Variants in CDH12 observed in about 807,000 individuals in gnomAD.
CDH12 encodes cadherin-12.
In CDH12, 41 loss-of-function variants were observed where a neutral mutation model predicts 74.1. That is an observed-to-expected ratio of 0.55 (90% CI 0.43 to 0.72). The LOEUF is 0.72. CDH12 is among the 30% of genes least tolerant of loss of function. The pLI, the probability that CDH12 is intolerant of heterozygous loss-of-function variation, is 0.00. For missense variants in CDH12, 945 were observed against 977.2 expected (o/e 0.97, Z 0.44); for synonymous variants, 399 against 355.0 (o/e 1.12, Z -1.39).
In CDH12 at chr5:22,288,564, G is replaced by A. The variant is rs565971113; in HGVS notation, c.-332-75921C>T. On this transcript the variant is annotated intron_variant, in intron 3 of 14. Transcript: ENST00000382254. ...CAATGACAGATCTATATTTTTGGAA[G>A]ACAGAAGAAGAATAAGTTAGTGACT... Among the ~76,000 whole-genome samples, 15 of 152,230 alleles carry A rather than the reference G, an allele frequency of 9.9e-5. No individual in the cohort carries two copies. In the South Asian group the frequency reaches 3.1e-3, roughly 32 times the overall value.
intron 3 of CDH12, among the ~76,000 whole-genome samples, chr5:22,327,929 A>G (rs1038486219): frequency 2.6e-5 from 4 of 152,242 alleles, no homozygotes; most frequent in Non-Finnish European, 4.4e-5. Flanking sequence ...GTATCATAGT[A>G]GTTTATTATG....
chr5:22,106,023 T>C (rs1189691433), intron 4 of CDH12, among the ~76,000 whole-genome samples: 1 of 152,228 alleles, frequency 6.6e-6, no homozygotes, highest in East Asian at 1.9e-4. Flanking sequence ...GTTTGTGGAA[T>C]ACTATTGCCA....
chr5:22,356,763 T>C (rs1580558912), intron 3 of CDH12, among the ~76,000 whole-genome samples: 1 of 152,220 alleles, frequency 6.6e-6, no homozygotes, highest in Non-Finnish European at 1.5e-5. Context: ...GATTAAGAGA[T>C]GTAGGCTCGG....
chr5:22,629,100 A>C (rs575143997), intron 1 of CDH12, among the ~76,000 whole-genome samples: 1 of 152,222 alleles, frequency 6.6e-6, no homozygotes, highest in Non-Finnish European at 1.5e-5. Flanking sequence ...AAAGTGAATC[A>C]GTAATAAAAA....
At chr5:22,381,600 A>G (rs2126384070) in intron 3 of CDH12, among the ~76,000 whole-genome samples, 1 of 151,918 alleles carries the variant, frequency 6.6e-6, no homozygotes, top group Non-Finnish European at 1.5e-5. Context: ...ATAATTGTCC[A>G]CCTATTTTCT....
At chr5:22,395,870 G>A (rs1267243643) in intron 3 of CDH12, among the ~76,000 whole-genome samples, 1 of 152,090 alleles carries the variant, frequency 6.6e-6, no homozygotes, top group Non-Finnish European at 1.5e-5. Flanking sequence ...AGAACATTAA[G>A]CCAGTGAAGA....
chr5:22,048,239 A>G (rs1740103954), intron 5 of CDH12, among the ~76,000 whole-genome samples: 1 of 152,214 alleles, frequency 6.6e-6, no homozygotes, highest in Non-Finnish European at 1.5e-5. Flanking sequence ...TCCTAGAGAC[A>G]TATGATCTAA....
intron 1 of CDH12, among the ~76,000 whole-genome samples, chr5:22,612,828 C>T (rs1465861208): frequency 6.6e-6 from 1 of 152,036 alleles, no homozygotes; most frequent in Admixed American, 6.6e-5. Flanking sequence ...TAATTCAGGG[C>T]ATAAAATTAA....
intron 1 of CDH12, among the ~76,000 whole-genome samples, chr5:22,762,931 C>A (rs781293382): frequency 6.6e-6 from 1 of 151,980 alleles, no homozygotes; most frequent in African/African-American, 2.4e-5. Context: ...GAGTTCCCTG[C>A]TTGTACATGT....
At chr5:22,090,647 C>G (rs1269567781) in intron 4 of CDH12, among the ~76,000 whole-genome samples, 1 of 151,002 alleles carries the variant, frequency 6.6e-6, no homozygotes, top group African/African-American at 2.4e-5. Context: ...ATACCAATAT[C>G]CCTTATGAAT....
At chr5:21,849,538 G>A (rs114230923) in intron 7 of CDH12, among the ~76,000 whole-genome samples, 3,496 of 151,568 alleles carry the variant, frequency 0.023, 98 homozygotes, top group African/African-American at 0.071. Context: ...ATTTATTAGC[G>A]TCTATTGATT....
chr5:22,756,958 C>CA (rs11305654), intron 1 of CDH12, among the ~76,000 whole-genome samples: 2,622 of 143,172 alleles, frequency 0.018, 42 homozygotes, highest in African/African-American at 0.04. Flanking sequence ...GACTCCGTCT[C>CA]AAAAAAAAAA....
chr5:21,757,680 C>T (rs1203157376), intron 13 of CDH12, among the ~76,000 whole-genome samples: 1 of 152,152 alleles, frequency 6.6e-6, no homozygotes, highest in Non-Finnish European at 1.5e-5. Flanking sequence ...TGCTATAAGT[C>T]AGTATCATGT....
intron 5 of CDH12, among the ~76,000 whole-genome samples, chr5:22,062,191 A>G (rs923474637): frequency 6.6e-6 from 1 of 152,216 alleles, no homozygotes; most frequent in Non-Finnish European, 1.5e-5. Flanking sequence ...CAATTAAAGT[A>G]AACACATTGA....
intron 1 of CDH12, among the ~76,000 whole-genome samples, chr5:22,658,598 C>T (rs1424768431): frequency 1.3e-5 from 2 of 151,938 alleles, no homozygotes; most frequent in African/African-American, 2.4e-5. Context: ...TTTTGCTTGT[C>T]TTGGGGGTAA....
intron 8 of CDH12, among the ~76,000 whole-genome samples, chr5:21,833,272 AT>A (rs1749277336): frequency 1.9e-5 from 1 of 52,156 alleles, no homozygotes; most frequent in Non-Finnish European, 2.7e-5. Flanking sequence ...TATAATATAT[AT>A]TATATGTTAT....
intron 1 of CDH12, among the ~76,000 whole-genome samples, chr5:22,673,509 C>A (rs1346543915): frequency 6.6e-6 from 1 of 152,060 alleles, no homozygotes; most frequent in Non-Finnish European, 1.5e-5. Context: ...TATCCTGGAG[C>A]AATCTTAACA....
Position 22,488,167 on chromosome 5 carries a change from C to A in CDH12, c.-428+17103G>T, listed in dbSNP as rs549370434. Among the ~76,000 whole-genome samples, 225 of 152,264 alleles carry A rather than the reference C, an allele frequency of 1.5e-3. 4 individuals are homozygous for A. In the South Asian group the frequency reaches 0.045, roughly 31 times the overall value. ...TCATACAGAAAAGTCCTGAAACTGACAGCTAAGTAAGTCTTCAAACAAAAT... is the reference window on the plus strand; with the variant it reads ...TCATACAGAAAAGTCCTGAAACTGAAAGCTAAGTAAGTCTTCAAACAAAAT... On this transcript the variant is annotated intron_variant, in intron 2 of 14. Transcript: ENST00000382254.
chr5:22,326,381 A>G (rs7714337), intron 3 of CDH12, among the ~76,000 whole-genome samples: 64,551 of 151,314 alleles, frequency 0.43, 13,713 homozygotes, highest in South Asian at 0.49. Flanking sequence ...GACTACAGGC[A>G]CCCGCAACCA....
Sources: allele counts gnomAD v4.1 joint callset (sites outside exome capture counted in the v4.1 genomes callset), GRCh38; gene constraint gnomAD v4.1.1; transcripts MANE v1.5; gene names NCBI Gene and HGNC (gene_info 2026-07-23, HGNC 2026-07-21).